The following KPNA5 variants were observed in gnomAD, a reference collection of about 807,000 sequenced individuals.
KPNA5 encodes importin subunit alpha-6.
KPNA5 carries 46 observed loss-of-function variants against 71.3 expected under a neutral mutation model. That is an observed-to-expected ratio of 0.65 (90% CI 0.51 to 0.83). KPNA5 has a LOEUF of 0.83. KPNA5 is among the 40% of genes least tolerant of loss of function. The pLI, the probability that KPNA5 is intolerant of heterozygous loss-of-function variation, is 0.00. For missense variants in KPNA5, 547 were observed against 628.3 expected (o/e 0.87, Z 1.38); for synonymous variants, 207 against 201.4 (o/e 1.03, Z -0.24).
chr6:116,690,356 C>T (rs1425869671), intron 2 of KPNA5, among the ~76,000 whole-genome samples: 1 of 152,174 alleles, frequency 6.6e-6, no homozygotes, highest in African/African-American at 2.4e-5. Flanking sequence ...AGATTGTTTA[C>T]ATATTAAAGA....
chr6:116,687,357 T>TCC (rs1777630317), intron 1 of KPNA5, among the ~76,000 whole-genome samples: 1 of 152,122 alleles, frequency 6.6e-6, no homozygotes, highest in Non-Finnish European at 1.5e-5. Flanking sequence ...AAGGCAGAAC[T>TCC]ATAGGGATGG....
At position 116,722,143 on chromosome 6, in the gene KPNA5, T is replaced by C; in HGVS notation, c.774T>C (p.Asn258=). ...CCTTACAGGTTTCACCTTGCTTAAA[T>C]GTCCTGTCACGACTGTTGTTTAGCA... ...PNFSKVSPCL[N]VLSRLLFSSD... The change falls in exon 9 of 14, where the codon AAT becomes AAC. Residue 258 remains asparagine, a synonymous_variant. Coordinates refer to ENST00000368564, the MANE Select transcript of KPNA5 (RefSeq NM_001366306.2). 2 of 1,580,176 alleles carry C rather than the reference T, an allele frequency of 1.3e-6. No homozygotes were observed. The highest frequency in any genetic ancestry group is 1.7e-6 in the Non-Finnish European group (2 of 1,162,406).
At chr6:116,683,100 C>G (rs902303989) in intron 1 of KPNA5, among the ~76,000 whole-genome samples, 1 of 152,096 alleles carries the variant, frequency 6.6e-6, no homozygotes, top group Non-Finnish European at 1.5e-5. Context: ...TGTATGTGTG[C>G]GTGGTGGGGC....
chr6:116,729,518 T>TA, intron 12 of KPNA5, 45 bp from the exon 13 acceptor site: 2 of 1,278,186 alleles, frequency 1.6e-6, no homozygotes, highest in Non-Finnish European at 2.1e-6. Flanking sequence ...TAAGTCTTTT[T>TA]AAATCTTTTT....
At chr6:116,709,953 G>T (rs1199331519) in intron 7 of KPNA5, among the ~76,000 whole-genome samples, 1 of 151,866 alleles carries the variant, frequency 6.6e-6, no homozygotes, top group Non-Finnish European at 1.5e-5. Context: ...TAGAGACAGG[G>T]TTTCACCATG....
At position 116,698,688 on chromosome 6, in the gene KPNA5, CTT is replaced by C; in HGVS notation, c.341-12_341-11del. ...TTTGTGTCTTTGTAATAACTGAAGT[CTT>C]TTTAAATTTTTAGAACCTAATCCAC... On this transcript the variant is annotated splice_polypyrimidine_tract_variant and intron_variant, in intron 4 of 13. Coordinates refer to ENST00000368564, the MANE Select transcript of KPNA5 (RefSeq NM_001366306.2). 3 of 1,466,196 alleles carry C rather than the reference CTT, an allele frequency of 2.0e-6. No individual in the cohort carries two copies. Among genetic ancestry groups the C allele is most frequent in the Non-Finnish European group, 2.8e-6 (3 of 1,058,220 alleles). 90.8% of individuals were successfully genotyped at this position (1,466,196 alleles called of 1,614,324 possible).
intron 12 of KPNA5, among the ~76,000 whole-genome samples, chr6:116,728,052 T>C (rs1779347910): frequency 6.6e-6 from 1 of 152,142 alleles, no homozygotes; most frequent in Admixed American, 6.6e-5. Flanking sequence ...ATTATCTTGC[T>C]CTCTCAAATT....
At chr6:116,686,452 C>T (rs911239832) in intron 1 of KPNA5, among the ~76,000 whole-genome samples, 1 of 152,058 alleles carries the variant, frequency 6.6e-6, no homozygotes, top group East Asian at 1.9e-4. Flanking sequence ...GGATATTAGA[C>T]CTTTATCAGA....
chr6:116,729,476 A>G, intron 12 of KPNA5, 87 bp from the exon 13 acceptor site: 1 of 818,044 alleles, frequency 1.2e-6, no homozygotes, highest in Admixed American at 4.0e-5. Flanking sequence ...CACTATGAAA[A>G]ATATTTTTGT....
chr6:116,689,600 G>A, intron 2 of KPNA5, 147 bp downstream of exon 2: 1 of 623,898 alleles, frequency 1.6e-6, no homozygotes, highest in Admixed American at 3.9e-5. Context: ...TTGCAAATTT[G>A]TGAAACAGAA....
At position 116,689,413 on chromosome 6, in the gene KPNA5, A is replaced by G. The variant is rs1475582628; in HGVS notation, c.98A>G (p.Glu33Gly). Residue 33 changes from glutamate to glycine, a missense_variant, in exon 2 of 14, where the codon GAA becomes GGA. By Grantham distance (98) the Glu-to-Gly change is moderately conservative. Transcript: ENST00000368564. ...NPQEMRRRRE[E>G]EGIQLRKQKR... ...CAAGAGATGCGTAGACGAAGAGAAGAAGAAGGAATACAGCTTAGAAAACAA... is the reference window on the plus strand; with the variant it reads ...CAAGAGATGCGTAGACGAAGAGAAGGAGAAGGAATACAGCTTAGAAAACAA... 6.2e-7 allele frequency: 1 copy of G among 1,608,634 alleles called. No individual in the cohort carries two copies. Among genetic ancestry groups the G allele is most frequent in the Non-Finnish European group, 8.5e-7 (1 of 1,177,948 alleles).
intron 4 of KPNA5, among the ~76,000 whole-genome samples, chr6:116,692,740 A>AT (rs1301645713): frequency 1.3e-5 from 2 of 151,912 alleles, no homozygotes; most frequent in East Asian, 1.9e-4. Context: ...TTTATTTTTT[A>AT]TTTTTTTGTT....
At chr6:116,684,205 G>A (rs753373237) in intron 1 of KPNA5, among the ~76,000 whole-genome samples, 3 of 151,948 alleles carry the variant, frequency 2.0e-5, no homozygotes, top group African/African-American at 4.8e-5. Flanking sequence ...GAGCTACCCC[G>A]CCCGGCCATA....
intron 13 of KPNA5, among the ~76,000 whole-genome samples, chr6:116,731,684 A>G (rs562741320): frequency 1.6e-3 from 244 of 152,270 alleles, no homozygotes; most frequent in Non-Finnish European, 2.8e-3. Flanking sequence ...CATTTATTTC[A>G]TAGTGATACT....
At chr6:116,701,100 C>G (rs1159164684) in intron 5 of KPNA5, among the ~76,000 whole-genome samples, 3 of 152,018 alleles carry the variant, frequency 2.0e-5, no homozygotes, top group Non-Finnish European at 4.4e-5. Flanking sequence ...TATAAATTCC[C>G]TTTAAAATTT....
rs1562455196 is a variant in KPNA5, at chr6:116,726,546, GC to G, written c.1178del (p.Ala393GlufsTer13). The G allele has an allele frequency of 6.2e-7, 1 of 1,612,362 alleles. No homozygotes were observed. Among genetic ancestry groups the G allele is most frequent in the Non-Finnish European group, 8.5e-7 (1 of 1,178,994 alleles). ...FPVLIEILQK[A>X]EFRTRKEAAW... ...TGTTTTGATTGAGATTCTTCAGAAA[GC>G]AGAGTTTCGTACCAGAAAAGAAGCA... On this transcript the variant is annotated frameshift_variant, in exon 12 of 14. Coordinates refer to ENST00000368564, the MANE Select transcript of KPNA5 (RefSeq NM_001366306.2). LOFTEE classifies it high-confidence loss of function.
chr6:116,692,274 T>G lies in KPNA5; in HGVS notation c.241-19T>G. On this transcript the variant is annotated intron_variant, in intron 3 of 13. Transcript: ENST00000368564. ...TAAAATATGTAAATGTTAATTATATTTTTGTGTGTGTGTTTTAGGAAGAAG... is the reference window on the plus strand; with the variant it reads ...TAAAATATGTAAATGTTAATTATATGTTTGTGTGTGTGTTTTAGGAAGAAG... 6.7e-7 allele frequency: 1 copy of G among 1,491,490 alleles called. No homozygotes were observed. Among genetic ancestry groups the G allele is most frequent in the South Asian group, 1.2e-5 (1 of 83,444 alleles). The allele number at this position is 1,491,490 out of a possible 1,614,324, so 92.4% of individuals were successfully genotyped here.
rs1779656487 is a variant in KPNA5, at chr6:116,736,004, A to AC, written c.*3683dup. The AC allele has an allele frequency of 6.6e-6, 1 of 151,828 alleles. No homozygotes were observed. The highest frequency in any genetic ancestry group is 2.1e-4 in the South Asian group (1 of 4,834). The allele number at this position is 151,828 out of a possible 1,614,324, so 9.4% of individuals were successfully genotyped here. A position where few individuals can be genotyped will look rare whatever the true frequency, so the allele number is the denominator to read the frequency against. ...GGTGAAAAGGGTGGAAAAAAGATAT[A>AC]CCATGCTATCACAAATCAAAAGTAA... On this transcript the variant is annotated 3_prime_UTR_variant, in exon 14 of 14. Transcript: ENST00000368564.
In KPNA5 at chr6:116,689,456, A is replaced by C; in HGVS notation, c.138+3A>C. On this transcript the variant is annotated splice_donor_region_variant and intron_variant, in intron 2 of 13. Coordinates refer to ENST00000368564, the MANE Select transcript of KPNA5 (RefSeq NM_001366306.2). Reference sequence around the variant, plus strand: ...GAAAACAAAAAAGAGAAGAACAGGTAGGTGTTTTTAGCTATTTAATTTTGT... The same window carrying C: ...GAAAACAAAAAAGAGAAGAACAGGTCGGTGTTTTTAGCTATTTAATTTTGT... 6.4e-7 allele frequency: 1 copy of C among 1,556,272 alleles called. No individual in the cohort carries two copies. Among genetic ancestry groups the C allele is most frequent in the Non-Finnish European group, 8.6e-7 (1 of 1,159,806 alleles).
Sources: allele counts gnomAD v4.1 joint callset (sites outside exome capture counted in the v4.1 genomes callset), GRCh38; gene constraint gnomAD v4.1.1; transcripts MANE v1.5; gene names NCBI Gene and HGNC (gene_info 2026-07-23, HGNC 2026-07-21).